The following HS3ST3A1 variants were observed in gnomAD, a reference collection of about 807,000 sequenced individuals.
The protein encoded by HS3ST3A1 is heparan sulfate-glucosamine 3-sulfotransferase 3A1.
In HS3ST3A1, 19 loss-of-function variants were observed where a neutral mutation model predicts 25.7. The observed-to-expected ratio is 0.74, with a 90% CI of 0.52 to 1.08. The LOEUF (loss-of-function observed/expected upper bound fraction) is 1.08, where lower values mean the gene tolerates loss of function less well. HS3ST3A1 is among the 50% of genes least tolerant of loss of function. The pLI is 0.00. For synonymous variants in HS3ST3A1, 226 were observed against 278.6 expected (o/e 0.81, Z 1.88); for missense variants, 459 against 594.3 (o/e 0.77, Z 2.37).
intron 1 of HS3ST3A1, among the ~76,000 whole-genome samples, chr17:13,566,061 C>T (rs1244633663): frequency 6.6e-6 from 1 of 152,146 alleles, no homozygotes; most frequent in Non-Finnish European, 1.5e-5. Flanking sequence ...CCTTATTGAG[C>T]TCTGGTTTAC....
At chr17:13,519,154 C>T (rs1471886382) in intron 1 of HS3ST3A1, among the ~76,000 whole-genome samples, 1 of 152,182 alleles carries the variant, frequency 6.6e-6, no homozygotes, top group African/African-American at 2.4e-5. Flanking sequence ...AATTGAATTG[C>T]TGTTTTTGCT....
intron 1 of HS3ST3A1, among the ~76,000 whole-genome samples, chr17:13,597,899 G>A (rs555122123): frequency 6.6e-6 from 1 of 152,310 alleles, no homozygotes; most frequent in Non-Finnish European, 1.5e-5. Flanking sequence ...GCTAATTGCA[G>A]CAGATTTGTC....
chr17:13,564,000 C>T (rs572991387), intron 1 of HS3ST3A1, among the ~76,000 whole-genome samples: 2 of 152,234 alleles, frequency 1.3e-5, no homozygotes, highest in East Asian at 3.9e-4. Context: ...CACAATAAAA[C>T]ATTTGGACTC....
intron 1 of HS3ST3A1, among the ~76,000 whole-genome samples, chr17:13,563,484 G>T (rs1172323733): frequency 1.3e-5 from 2 of 152,188 alleles, no homozygotes; most frequent in African/African-American, 2.4e-5. Context: ...GGCATTTTGT[G>T]AGGATGTAAG....
chr17:13,579,276 A>G (rs2142380400), intron 1 of HS3ST3A1, among the ~76,000 whole-genome samples: 1 of 152,344 alleles, frequency 6.6e-6, no homozygotes, highest in East Asian at 1.9e-4. Context: ...ACTTCTTGAA[A>G]TGTATTCTAA....
At chr17:13,544,540 T>C (rs563432518) in intron 1 of HS3ST3A1, among the ~76,000 whole-genome samples, 1 of 152,316 alleles carries the variant, frequency 6.6e-6, no homozygotes, top group East Asian at 1.9e-4. Context: ...CTGCGCCGTC[T>C]GGCACAGCCC....
Position 13,564,743 on chromosome 17 carries a change from A to C in HS3ST3A1, c.599+35788T>G, listed in dbSNP as rs1035542643. Among the ~76,000 whole-genome samples, 51 of 133,036 alleles carry C rather than the reference A, an allele frequency of 3.8e-4. 1 individual carries two copies. Among genetic ancestry groups the C allele is most frequent in the African/African-American group, 1.4e-3 (49 of 35,370 alleles). 87.3% of individuals were successfully genotyped at this position (133,036 alleles called of 152,430 possible). ...CCTTTTTTTTTTTTTTTTTTTTAAG[A>C]GACAGAGTCTCACTCTGTCACCCAG... On this transcript the variant is annotated intron_variant, in intron 1 of 1. Transcript: ENST00000284110.
chr17:13,566,658 A>T (rs1227135307), intron 1 of HS3ST3A1, among the ~76,000 whole-genome samples: 1 of 152,222 alleles, frequency 6.6e-6, no homozygotes, highest in East Asian at 1.9e-4. Flanking sequence ...CACACAAATG[A>T]TAAGAAAGTG....
chr17:13,502,204 G>A lies in HS3ST3A1; in HGVS notation c.600-5386C>T, dbSNP rs544948416. Among the ~76,000 whole-genome samples the A allele has an allele frequency of 9.9e-5, 15 of 152,228 alleles. No individual in the cohort carries two copies. In the South Asian group the frequency reaches 1.7e-3, roughly 17 times the overall value. ...AGTGTTATGGTCAAGCAGGAACCACGATACACATGCTAAGTTGTCCTCTGT... is the reference window on the plus strand; with the variant it reads ...AGTGTTATGGTCAAGCAGGAACCACAATACACATGCTAAGTTGTCCTCTGT... On this transcript the variant is annotated intron_variant, in intron 1 of 1. Transcript: ENST00000284110.
At chr17:13,560,547 C>T (rs915676236) in intron 1 of HS3ST3A1, among the ~76,000 whole-genome samples, 3 of 152,056 alleles carry the variant, frequency 2.0e-5, no homozygotes, top group African/African-American at 7.2e-5. Flanking sequence ...TGGAGGAAAA[C>T]AAATTTTATT....
intron 1 of HS3ST3A1, among the ~76,000 whole-genome samples, chr17:13,570,519 C>A (rs73296179): frequency 0.051 from 7,757 of 152,262 alleles, 480 homozygotes; most frequent in African/African-American, 0.14. Context: ...AAACTCTGCT[C>A]TCTAGGCTGG....
At chr17:13,528,239 A>G (rs55792702) in intron 1 of HS3ST3A1, among the ~76,000 whole-genome samples, 16,145 of 152,288 alleles carry the variant, frequency 0.11, 1,050 homozygotes, top group Non-Finnish European at 0.15. Flanking sequence ...CATGTGGGTC[A>G]AGGAATAAAA....
At chr17:13,554,513 C>G (rs1335995062) in intron 1 of HS3ST3A1, among the ~76,000 whole-genome samples, 7 of 152,204 alleles carry the variant, frequency 4.6e-5, no homozygotes, top group Non-Finnish European at 1.5e-5. Flanking sequence ...CTGTGCGGTG[C>G]TGATATCTCT....
intron 1 of HS3ST3A1, among the ~76,000 whole-genome samples, chr17:13,539,555 T>C (rs940540880): frequency 6.6e-6 from 1 of 152,222 alleles, no homozygotes; most frequent in African/African-American, 2.4e-5. Context: ...TATTGGATTC[T>C]CATTTCAAAT....
intron 1 of HS3ST3A1, among the ~76,000 whole-genome samples, chr17:13,565,309 A>G (rs1907650179): frequency 6.6e-6 from 1 of 152,126 alleles, no homozygotes; most frequent in African/African-American, 2.4e-5. Flanking sequence ...AGGCCAAGGC[A>G]GGCAGATCAC....
At chr17:13,558,195 C>T (rs977780793) in intron 1 of HS3ST3A1, among the ~76,000 whole-genome samples, 1 of 152,108 alleles carries the variant, frequency 6.6e-6, no homozygotes, top group African/African-American at 2.4e-5. Flanking sequence ...AGGAGAATCC[C>T]TTGAGCCCAG....
At chr17:13,526,474 T>TTATATATATATATA (rs58701744) in intron 1 of HS3ST3A1, among the ~76,000 whole-genome samples, 58 of 76,282 alleles carry the variant, frequency 7.6e-4, no homozygotes, top group African/African-American at 1.1e-3. Context: ...ACTTTAATTT[T>TTATATATATATATA]TATATATATA....
chr17:13,512,305 C>CAAAAAAAAAAAAAAAAAAAAAAAAAAA (rs67523378), intron 1 of HS3ST3A1, among the ~76,000 whole-genome samples: 1 of 82,102 alleles, frequency 1.2e-5, no homozygotes, highest in African/African-American at 6.0e-5. Flanking sequence ...GACTCCGTCT[C>CAAAAAAAAAAAAAAAAAAAAAAAAAAA]AAAAAAAAAA....
Position 13,531,391 on chromosome 17 carries a change from T to A in HS3ST3A1, c.600-34573A>T, listed in dbSNP as rs568443067. Among the ~76,000 whole-genome samples the A allele has an allele frequency of 1.6e-3, 239 of 152,236 alleles. 2 individuals are homozygous for A. The highest frequency in any genetic ancestry group is 6.8e-3 in the Middle Eastern group (2 of 294). ...TCAAATGGCAGCTATAATGGTGGAGTTTGGGTGGGGTGCTGATCCTACCCA... is the reference window on the plus strand; with the variant it reads ...TCAAATGGCAGCTATAATGGTGGAGATTGGGTGGGGTGCTGATCCTACCCA... On this transcript the variant is annotated intron_variant, in intron 1 of 1. Transcript: ENST00000284110.
Sources: gnomAD v4.1 joint callset for allele counts (sites outside exome capture counted in the v4.1 genomes callset) on GRCh38, gnomAD v4.1.1 for gene constraint, MANE v1.5 for transcripts, NCBI Gene and HGNC (gene_info 2026-07-23, HGNC 2026-07-21) for gene names.